Variants in ERCC6L2 observed in about 807,000 individuals in gnomAD.
ERCC6L2 encodes DNA excision repair protein ERCC-6-like 2.
A neutral mutation model predicts 132.0 loss-of-function variants in ERCC6L2; 77 were observed. That is an observed-to-expected ratio of 0.58 (90% CI 0.49 to 0.71). The LOEUF (loss-of-function observed/expected upper bound fraction) is 0.71, where lower values mean the gene tolerates loss of function less well. ERCC6L2 is among the 30% of genes least tolerant of loss of function. The pLI, the probability that ERCC6L2 is intolerant of heterozygous loss-of-function variation, is 0.00. For synonymous variants in ERCC6L2, 583 were observed against 632.4 expected, an observed-to-expected ratio of 0.92 and a Z score of 1.17; for missense variants, 1,542 against 1,837.6, an observed-to-expected ratio of 0.84 and a Z score of 2.94.
At chr9:95,965,578 G>A (rs948070526) in intron 13 of ERCC6L2, among the ~76,000 whole-genome samples, 5 of 152,064 alleles carry the variant, frequency 3.3e-5, no homozygotes, top group South Asian at 2.1e-4. Context: ...GCGCCACCTC[G>A]GGTTGCTTGC....
chr9:95,917,853 A>G (rs1829672783), intron 6 of ERCC6L2, among the ~76,000 whole-genome samples: 1 of 152,186 alleles, frequency 6.6e-6, no homozygotes, highest in Non-Finnish European at 1.5e-5. Flanking sequence ...TCACATGGTT[A>G]CTCTGAAATG....
intron 17 of ERCC6L2, among the ~76,000 whole-genome samples, chr9:95,981,185 T>C (rs1377059729): frequency 2.0e-5 from 3 of 152,172 alleles, no homozygotes; most frequent in Non-Finnish European, 4.4e-5. Flanking sequence ...ATATACTAAA[T>C]TGAAAACTTG....
chr9:96,013,367 T>A lies in ERCC6L2; in HGVS notation c.*164T>A. ...CTAAAGTATTGTCATGGATCTGTTT[T>A]TCTTGATATTTGATTTGATCTTTCA... On this transcript the variant is annotated 3_prime_UTR_variant, in exon 19 of 19. Transcript: ENST00000653738. 1 of 438,258 alleles carries A rather than the reference T, an allele frequency of 2.3e-6. No homozygotes were observed. Among genetic ancestry groups the A allele is most frequent in the Non-Finnish European group, 3.6e-6 (1 of 274,968 alleles). 27.1% of individuals were successfully genotyped at this position (438,258 alleles called of 1,614,324 possible).
At chr9:95,975,729 A>G (rs988759490) in intron 16 of ERCC6L2, among the ~76,000 whole-genome samples, 14 of 151,872 alleles carry the variant, frequency 9.2e-5, no homozygotes, top group Admixed American at 4.6e-4. Context: ...TTCTTTGCCT[A>G]TCTTCAGTTT....
At chr9:95,914,552 C>T (rs193107506) in intron 4 of ERCC6L2, among the ~76,000 whole-genome samples, 1 of 152,192 alleles carries the variant, frequency 6.6e-6, no homozygotes, top group East Asian at 1.9e-4. Flanking sequence ...CAAGATTTCA[C>T]CATGTTGGCC....
intron 2 of ERCC6L2, among the ~76,000 whole-genome samples, chr9:95,888,644 A>G (rs1828000232): frequency 6.6e-6 from 1 of 152,186 alleles, no homozygotes; most frequent in African/African-American, 2.4e-5. Flanking sequence ...CACCCAAAAT[A>G]CATATTTCCT....
At position 95,894,574 on chromosome 9, in the gene ERCC6L2, A is replaced by G. The variant is rs1001282189; in HGVS notation, c.472-3275A>G. ...TGTATTGAGACTTCTGTGGCCTGGC[A>G]TATGTCAGCCTTTTTTTTTTTTTTT... On this transcript the variant is annotated intron_variant, in intron 2 of 18. Coordinates refer to ENST00000653738, the MANE Select transcript of ERCC6L2 (RefSeq NM_020207.7). Among the ~76,000 whole-genome samples the G allele has an allele frequency of 2.1e-5, 3 of 140,930 alleles. No homozygotes were observed. The South Asian group carries it at 6.6e-4, about 31-fold the overall frequency. 92.5% of individuals were successfully genotyped at this position (140,930 alleles called of 152,430 possible).
At chr9:95,948,476 A>C (rs1244901425) in intron 12 of ERCC6L2, among the ~76,000 whole-genome samples, 1 of 152,202 alleles carries the variant, frequency 6.6e-6, no homozygotes, top group Non-Finnish European at 1.5e-5. Flanking sequence ...AACATGGTCA[A>C]ACCCCATCTC....
At chr9:96,026,778 A>ACCACAC (rs1210389547) in intron 19 of ERCC6L2, among the ~76,000 whole-genome samples, 2 of 63,044 alleles carry the variant, frequency 3.2e-5, no homozygotes, top group African/African-American at 1.9e-4. Flanking sequence ...ACCACACACA[A>ACCACAC]ACACCACACA....
intron 19 of ERCC6L2, among the ~76,000 whole-genome samples, chr9:96,034,646 G>A (rs983028597): frequency 5.3e-5 from 8 of 152,310 alleles, no homozygotes; most frequent in South Asian, 2.1e-4. Context: ...AGGAAGGCAC[G>A]GCTGGGGCTG....
chr9:95,933,325 C>T (rs949872619), intron 11 of ERCC6L2, among the ~76,000 whole-genome samples: 3 of 152,132 alleles, frequency 2.0e-5, no homozygotes, highest in African/African-American at 7.2e-5. Context: ...CCCTATCCCA[C>T]CTCATTCTTT....
chr9:95,902,449 T>G lies in ERCC6L2; in HGVS notation c.594+4478T>G, dbSNP rs139879591. Among the ~76,000 whole-genome samples, 697 of 152,250 alleles carry G rather than the reference T, an allele frequency of 4.6e-3. 12 individuals are homozygous for G. Among genetic ancestry groups the G allele is most frequent in the Admixed American group, 0.029 (448 of 15,296 alleles). The stretch of plus-strand genomic sequence containing the variant: ...TCAATGACAATTTAACAAAAATATT[T>G]TATAATTATTTTATTTACTATACAC... On this transcript the variant is annotated intron_variant, in intron 3 of 18. Transcript: ENST00000653738.
In ERCC6L2 at chr9:95,949,417, G is replaced by A. The variant is rs542477415; in HGVS notation, c.1848-6497G>A. Among the ~76,000 whole-genome samples the A allele has an allele frequency of 3.3e-5, 5 of 152,256 alleles. No individual in the cohort carries two copies. In the East Asian group the frequency reaches 5.8e-4, roughly 18 times the overall value. ...CACTGTGGCACATTATAATCAAACT[G>A]TCCACAAAGAGAGCATCTTGAAAGC... On this transcript the variant is annotated intron_variant, in intron 12 of 18. Coordinates refer to ENST00000653738, the MANE Select transcript of ERCC6L2 (RefSeq NM_020207.7).
intron 17 of ERCC6L2, among the ~76,000 whole-genome samples, chr9:95,993,099 A>AC (rs1833356581): frequency 6.6e-6 from 1 of 152,180 alleles, no homozygotes; most frequent in African/African-American, 2.4e-5. Flanking sequence ...AATTTTAAAT[A>AC]CGAAAGAGAC....
At position 96,014,970 on chromosome 9, in the gene ERCC6L2, T is replaced by C. The variant is rs368544312; in HGVS notation, c.*1767T>C. Among the ~76,000 whole-genome samples, 40 of 151,954 alleles carry C rather than the reference T, an allele frequency of 2.6e-4. 1 individual carries two copies. The Middle Eastern group carries it at 0.014, about 52-fold the overall frequency. On this transcript the variant is annotated 3_prime_UTR_variant, in exon 19 of 19. Transcript: ENST00000653738. The stretch of plus-strand genomic sequence containing the variant: ...AAACATTTTAATACCTTGTAAATTA[T>C]GATATTCATATAAATATTAGCTCTA...
At chr9:95,969,488 A>G (rs1476654126) in intron 14 of ERCC6L2, among the ~76,000 whole-genome samples, 3 of 152,168 alleles carry the variant, frequency 2.0e-5, no homozygotes, top group Non-Finnish European at 4.4e-5. Flanking sequence ...CGGGTCAGAT[A>G]CAGGGTATGA....
At chr9:95,904,248 C>T (rs1188191311) in intron 3 of ERCC6L2, among the ~76,000 whole-genome samples, 1 of 152,100 alleles carries the variant, frequency 6.6e-6, no homozygotes, top group East Asian at 1.9e-4. Context: ...TGATATCACA[C>T]TTCTTTCCAC....
At chr9:95,908,432 A>G (rs936969928) in intron 4 of ERCC6L2, among the ~76,000 whole-genome samples, 1 of 152,210 alleles carries the variant, frequency 6.6e-6, no homozygotes, top group African/African-American at 2.4e-5. Flanking sequence ...GCTTCAGGAG[A>G]AACCAAATTT....
rs1310769560 is a variant in ERCC6L2 at position 96,013,355 on chromosome 9, A to G, written c.*152A>G. 1.9e-6 allele frequency: 1 copy of G among 522,002 alleles called. No individual in the cohort carries two copies. Among genetic ancestry groups the G allele is most frequent in the Non-Finnish European group, 2.9e-6 (1 of 344,416 alleles). The allele number at this position is 522,002 out of a possible 1,614,324, so 32.3% of individuals were successfully genotyped here. A position where few individuals can be genotyped will look rare whatever the true frequency, so the allele number is the denominator to read the frequency against. ...ATTTTTTGAAGTCTAAAGTATTGTCATGGATCTGTTTTTCTTGATATTTGA... is the reference window on the plus strand; with the variant it reads ...ATTTTTTGAAGTCTAAAGTATTGTCGTGGATCTGTTTTTCTTGATATTTGA... On this transcript the variant is annotated 3_prime_UTR_variant, in exon 19 of 19. Coordinates refer to ENST00000653738, the MANE Select transcript of ERCC6L2 (RefSeq NM_020207.7).
Sources: gnomAD v4.1 joint callset for allele counts (sites outside exome capture counted in the v4.1 genomes callset) on GRCh38, gnomAD v4.1.1 for gene constraint, MANE v1.5 for transcripts, NCBI Gene and HGNC (gene_info 2026-07-23, HGNC 2026-07-21) for gene names.